MIAT: variants seen among roughly 807,000 people sequenced by gnomAD.
MIAT encodes the protein MI related novel mRNA.
chr22:26,672,717 A>G (rs145679775), downstream of MIAT: 7 of 398,970 alleles, frequency 1.8e-5, no homozygotes, highest in African/African-American at 1.4e-4. Flanking sequence ...ACCGGAAATT[A>G]GCAGAGGGGC....
In MIAT at chr22:26,675,825, T is replaced by C. The variant is rs142429203; in HGVS notation, n.9493T>C. On this transcript the variant is annotated non_coding_transcript_exon_variant, in exon 5 of 5. Transcript: ENST00000613780. Reference sequence around the variant, plus strand: ...AAGTGTGGAGTAAGCTTGCAAGAGCTGATCCTGGTCCCAGAGAGGGAAAAA... The same window carrying C: ...AAGTGTGGAGTAAGCTTGCAAGAGCCGATCCTGGTCCCAGAGAGGGAAAAA... 1.4e-4 allele frequency: 57 copies of C among 398,672 alleles called. 1 individual carries two copies. In the East Asian group the frequency reaches 2.0e-3, roughly 14 times the overall value. 24.7% of individuals were successfully genotyped at this position (398,672 alleles called of 1,614,324 possible).
intron 3 of MIAT, among the ~76,000 whole-genome samples, chr22:26,663,785 T>A (rs1276967646): frequency 6.6e-6 from 1 of 152,240 alleles, no homozygotes; most frequent in East Asian, 1.9e-4. Flanking sequence ...CATTTCAATG[T>A]GTTTTGACAA....
At chr22:26,668,879 A>C (rs1930949289) in exon 6 of MIAT, 1 of 398,644 alleles carries the variant, frequency 2.5e-6, no homozygotes, top group East Asian at 3.6e-5. Context: ...AGGGGCTGAG[A>C]GTGCACCATC....
chr22:26,668,589 G>C, exon 6 of MIAT: 1 of 398,956 alleles, frequency 2.5e-6, no homozygotes, highest in Non-Finnish European at 4.4e-6. Context: ...CTTTCCCCAA[G>C]GCTGGGTCTC....
At chr22:26,663,476 A>C in intron 3 of MIAT, 1 of 397,938 alleles carries the variant, frequency 2.5e-6, no homozygotes, top group African/African-American at 2.1e-5. Flanking sequence ...TCCATCACGA[A>C]ATCCGTATGT....
chr22:26,653,243 G>T (rs1930369013), intron 2 of MIAT, among the ~76,000 whole-genome samples: 1 of 152,236 alleles, frequency 6.6e-6, no homozygotes, highest in Non-Finnish European at 1.5e-5. Flanking sequence ...CCATGTTAGA[G>T]AACTGGGAGC....
At chr22:26,658,632 G>C (rs1176270414) in intron 2 of MIAT, among the ~76,000 whole-genome samples, 1 of 152,174 alleles carries the variant, frequency 6.6e-6, no homozygotes, top group Non-Finnish European at 1.5e-5. Flanking sequence ...TTCTGGGATT[G>C]TGCAGGAGGA....
chr22:26,666,327 T>C (rs57271553), exon 4 of MIAT: 5,738 of 398,520 alleles, frequency 0.014, 263 homozygotes, highest in African/African-American at 0.1. Flanking sequence ...AGCCTCTGGC[T>C]CCCCGAATTT....
At chr22:26,652,179 A>G (rs1043785642) in intron 2 of MIAT, among the ~76,000 whole-genome samples, 10 of 152,092 alleles carry the variant, frequency 6.6e-5, no homozygotes, top group Admixed American at 2.0e-4. Context: ...AGGTCTCTGT[A>G]GAGATGCGGT....
At chr22:26,672,616 A>G (rs1192969729), downstream of MIAT, 4 of 399,070 alleles carry the variant, frequency 1.0e-5, no homozygotes, top group African/African-American at 8.2e-5. Context: ...AATCCTCTCC[A>G]TTGTTAAGTG....
intron 5 of MIAT, chr22:26,667,632 C>T: frequency 6.5e-6 from 1 of 153,490 alleles, no homozygotes; most frequent in Non-Finnish European, 1.1e-5. Context: ...GCTAACCCTG[C>T]CTGGTGGGTA....
At chr22:26,647,165 T>C in intron 1 of MIAT, 1 of 398,540 alleles carries the variant, frequency 2.5e-6, no homozygotes, top group Non-Finnish European at 4.4e-6. Flanking sequence ...CTCTGTTCCA[T>C]CTATAAAGTG....
At chr22:26,659,625 C>CT (rs1930584776) in intron 2 of MIAT, among the ~76,000 whole-genome samples, 1 of 151,686 alleles carries the variant, frequency 6.6e-6, no homozygotes, top group Admixed American at 6.6e-5. Flanking sequence ...ATGGCTTGAA[C>CT]CCAGGAGTTC....
intron 3 of MIAT, among the ~76,000 whole-genome samples, chr22:26,663,933 T>C (rs1261315557): frequency 1.4e-5 from 2 of 146,680 alleles, no homozygotes; most frequent in Non-Finnish European, 3.0e-5. Context: ...ACCACTGACC[T>C]GCTTTCTCAG....
chr22:26,647,482 G>A (rs1195247305), intron 2 of MIAT: 1 of 388,042 alleles, frequency 2.6e-6, no homozygotes, highest in East Asian at 3.7e-5. Flanking sequence ...ATCAGCCCCA[G>A]AAGGAGCGGG....
intron 2 of MIAT, among the ~76,000 whole-genome samples, chr22:26,655,130 T>G (rs751684260): frequency 1.3e-5 from 2 of 152,224 alleles, no homozygotes; most frequent in Non-Finnish European, 2.9e-5. Flanking sequence ...CTCTTTCACA[T>G]GGGTCTTACC....
chr22:26,671,885 G>A (rs1282677051), downstream of MIAT: 7 of 397,840 alleles, frequency 1.8e-5, no homozygotes, highest in East Asian at 7.1e-5. Flanking sequence ...GGTTGAACAC[G>A]TCTGCTGCCT....
At chr22:26,663,055 G>C (rs546382381) in intron 2 of MIAT, among the ~76,000 whole-genome samples, 57 of 152,316 alleles carry the variant, frequency 3.7e-4, no homozygotes, top group African/African-American at 1.3e-3. Flanking sequence ...CTGTGGTAAA[G>C]GACTTGGTCA....
exon 6 of MIAT, chr22:26,668,882 G>T (rs1930949385): frequency 1.0e-5 from 4 of 398,512 alleles, no homozygotes; most frequent in Admixed American, 8.8e-5. Flanking sequence ...GGCTGAGAGT[G>T]CACCATCCTG....
Sources: gnomAD v4.1 joint callset for allele counts (sites outside exome capture counted in the v4.1 genomes callset) on GRCh38, gnomAD v4.1.1 for gene constraint, MANE v1.5 for transcripts, NCBI Gene and HGNC (gene_info 2026-07-23, HGNC 2026-07-21) for gene names.